Variants in DLGAP4 observed in about 807,000 individuals in gnomAD.
DLGAP4 encodes DLG associated protein 4.
Under a neutral mutation model 86.9 loss-of-function variants are expected in DLGAP4, and 18 were observed. That is an observed-to-expected ratio of 0.21 (90% CI 0.14 to 0.31). The LOEUF (loss-of-function observed/expected upper bound fraction) is 0.31. DLGAP4 is among the 10% of genes least tolerant of loss of function. DLGAP4 has a pLI of 1.00. For synonymous variants in DLGAP4, 548 were observed against 574.3 expected, an observed-to-expected ratio of 0.95 and a Z score of 0.65; for missense variants, 1,085 against 1,362.6, an observed-to-expected ratio of 0.80 and a Z score of 3.21.
Position 36,432,624 on chromosome 20 carries a change from C to G in DLGAP4, c.907C>G (p.His303Asp). 1 of 1,612,554 alleles carries G rather than the reference C, an allele frequency of 6.2e-7. No homozygotes were observed. The highest frequency in any genetic ancestry group is 8.5e-7 in the Non-Finnish European group (1 of 1,179,480). ...SWSTLTLSHAHEVCQKTSATL... is the reference protein window; with the variant it reads ...SWSTLTLSHADEVCQKTSATL... ...GTCCACTCTGACCCTCAGCCACGCCCACGAGGTCTGCCAGAAGACCTCAGC... is the reference window on the plus strand; with the variant it reads ...GTCCACTCTGACCCTCAGCCACGCCGACGAGGTCTGCCAGAAGACCTCAGC... Residue 303 changes from histidine to aspartate, a missense_variant, in exon 3 of 13, where the codon CAC becomes GAC. This residue lies in a region of DLGAP4 where 1,082 missense variants were observed against 1,344.1 expected (regional missense o/e 0.81). Coordinates refer to ENST00000339266, the MANE Select transcript of DLGAP4 (RefSeq NM_001365621.2). This position sits in a 1 kb window ranked among gnomAD's most constrained non-coding sequence, Gnocchi z 6.5.
At chr20:36,383,066 C>T (rs1481901953) in intron 2 of DLGAP4, among the ~76,000 whole-genome samples, 2 of 152,192 alleles carry the variant, frequency 1.3e-5, no homozygotes, top group Non-Finnish European at 2.9e-5. Context: ...AGGAGGTGGC[C>T]TTCTTCCCAT....
chr20:36,362,818 G>A (rs1413092411), intron 1 of DLGAP4, among the ~76,000 whole-genome samples: 3 of 152,198 alleles, frequency 2.0e-5, no homozygotes, highest in African/African-American at 7.2e-5. Flanking sequence ...CAGGCTCAGG[G>A]AATGTGCTGT....
intron 2 of DLGAP4, among the ~76,000 whole-genome samples, chr20:36,390,380 A>G (rs1305375781): frequency 6.6e-6 from 1 of 152,192 alleles, no homozygotes; most frequent in East Asian, 1.9e-4. Flanking sequence ...GGAACCTAGC[A>G]GGCCTCAAAC....
chr20:36,526,278 G>A (rs1032224937), intron 12 of DLGAP4: 4 of 606,108 alleles, frequency 6.6e-6, no homozygotes, highest in South Asian at 4.0e-5. Flanking sequence ...CCTCAATCAC[G>A]TTATAACAGA....
intron 1 of DLGAP4, among the ~76,000 whole-genome samples, chr20:36,315,386 G>A (rs1002889907): frequency 1 from 151,978 of 151,978 alleles, 75,989 homozygotes; most frequent in Non-Finnish European, 1. Context: ...ATGGGTCACG[G>A]GCCTGGAGAG....
intron 12 of DLGAP4, 98 bp from the exon 13 acceptor site, chr20:36,526,715 G>A: frequency 1.8e-6 from 2 of 1,139,186 alleles, no homozygotes; most frequent in Non-Finnish European, 2.5e-6. Flanking sequence ...GGGAGGCTGG[G>A]GTGGAGACTC....
chr20:36,519,478 C>CAG (rs1192556514), intron 10 of DLGAP4, among the ~76,000 whole-genome samples: 5 of 152,164 alleles, frequency 3.3e-5, no homozygotes, highest in African/African-American at 1.2e-4. Flanking sequence ...TCTTTTTAGT[C>CAG]AGAGTCTATT....
intron 5 of DLGAP4, among the ~76,000 whole-genome samples, chr20:36,440,707 T>C (rs541730566): frequency 1.6e-4 from 24 of 151,394 alleles, no homozygotes; most frequent in Middle Eastern, 3.4e-3. Context: ...ACTCGGCACT[T>C]TAGGGTTTGC....
intron 10 of DLGAP4, among the ~76,000 whole-genome samples, chr20:36,506,395 T>C (rs1037980299): frequency 6.6e-6 from 1 of 152,246 alleles, no homozygotes; most frequent in African/African-American, 2.4e-5. Flanking sequence ...ATGATGTTTC[T>C]GGATAACCAC....
At chr20:36,461,993 G>T in intron 7 of DLGAP4, 1 of 984,958 alleles carries the variant, frequency 1.0e-6, no homozygotes, top group Non-Finnish European at 1.2e-6. Flanking sequence ...AGCGCCCCCA[G>T]ATCTTTTGGG....
chr20:36,394,380 C>G (rs947648708), intron 2 of DLGAP4, among the ~76,000 whole-genome samples: 2 of 152,172 alleles, frequency 1.3e-5, no homozygotes, highest in African/African-American at 4.8e-5. Flanking sequence ...TGCGACTCTG[C>G]CCTGTGGGGG....
rs1161471258 is a variant in DLGAP4, at chr20:36,453,303, T to G, written c.1648+6366T>G. On this transcript the variant is annotated intron_variant, in intron 7 of 12. Transcript: ENST00000339266. ...AGACTCCATCTCTACAAAAAATTTT[T>G]TTTTAGTTAGCCACTGCACTTCAGC... 3.9e-5 allele frequency among the ~76,000 whole-genome samples: 6 copies of G among 152,138 alleles called. No homozygotes were observed. The East Asian group carries it at 1.2e-3, about 29-fold the overall frequency.
chr20:36,318,104 T>TCACACACACA (rs1341409069), intron 1 of DLGAP4, among the ~76,000 whole-genome samples: 1 of 106,494 alleles, frequency 9.4e-6, no homozygotes, highest in African/African-American at 4.0e-5. Flanking sequence ...AAATGTGTCC[T>TCACACACACA]CTCACACACA....
chr20:36,448,906 C>T (rs986403259), intron 7 of DLGAP4, among the ~76,000 whole-genome samples: 5 of 152,026 alleles, frequency 3.3e-5, no homozygotes, highest in Admixed American at 3.3e-4. Context: ...TGCGCTCCAG[C>T]CTGGGTGACA....
At chr20:36,414,370 G>A (rs866211914) in intron 2 of DLGAP4, among the ~76,000 whole-genome samples, 6 of 152,308 alleles carry the variant, frequency 3.9e-5, no homozygotes, top group Non-Finnish European at 8.8e-5. Context: ...ATCGGTGCCC[G>A]CCCTGCAGCT....
intron 2 of DLGAP4, among the ~76,000 whole-genome samples, chr20:36,420,748 C>T (rs973552571): frequency 3.3e-5 from 5 of 150,710 alleles, no homozygotes; most frequent in African/African-American, 7.3e-5. Context: ...CCGAGGCGGG[C>T]GGATCACCTG....
At position 36,525,216 on chromosome 20, in the gene DLGAP4, C is replaced by CAAAAAAAAAAAAAAAAAAAA. The variant is rs1159616185; in HGVS notation, c.2605-616_2605-597dup. On this transcript the variant is annotated intron_variant, in intron 11 of 12. Coordinates refer to ENST00000339266, the MANE Select transcript of DLGAP4 (RefSeq NM_001365621.2). ...TGGGTGACAGAGCGAGACTCCGTCT[C>CAAAAAAAAAAAAAAAAAAAA]AAAAAAAAAAAAAAAAAAAAAAAAA... Among the ~76,000 whole-genome samples, 15 of 28,500 alleles carry CAAAAAAAAAAAAAAAAAAAA rather than the reference C, an allele frequency of 5.3e-4. 2 individuals carry two copies. Among genetic ancestry groups the CAAAAAAAAAAAAAAAAAAAA allele is most frequent in the African/African-American group, 8.2e-4 (8 of 9,748 alleles). The allele number at this position is 28,500 out of a possible 152,430, so 18.7% of individuals were successfully genotyped here. A position where few individuals can be genotyped will look rare whatever the true frequency, so the allele number is the denominator to read the frequency against.
rs139293905 is a variant in DLGAP4, at chr20:36,500,458, T to A, written c.2359T>A (p.Ser787Thr). 1.6e-4 allele frequency: 250 copies of A among 1,584,392 alleles called. No homozygotes were observed. Among genetic ancestry groups the A allele is most frequent in the Non-Finnish European group, 2.1e-4 (239 of 1,163,970 alleles). The part of the protein sequence containing the change: ...LPPPDPWLET[S>T]SSSPAEPAQP... ...CCCACCCGACCCCTGGCTCGAGACC[T>A]CCTCCAGCTCCCCAGCAGAGCCGGC... The change falls in exon 10 of 13, where the codon TCC (serine) becomes ACC (threonine). Residue 787 changes from serine (S) to threonine (T), a missense_variant. Coordinates refer to ENST00000339266, the MANE Select transcript of DLGAP4 (RefSeq NM_001365621.2). The surrounding 1 kb of genome is among the most constrained non-coding windows in gnomAD (Gnocchi z 4.6).
intron 1 of DLGAP4, among the ~76,000 whole-genome samples, chr20:36,320,013 TC>T (rs2065150209): frequency 9.4e-6 from 1 of 106,386 alleles, no homozygotes; most frequent in Non-Finnish European, 2.0e-5. Context: ...CCTCCAGGCC[TC>T]CCTCTGTGTC....
Sources: allele counts gnomAD v4.1 joint callset (sites outside exome capture counted in the v4.1 genomes callset), GRCh38; gene constraint gnomAD v4.1.1; regional missense constraint gnomAD v4.1.1; non-coding constraint Gnocchi (gnomAD v3.1); transcripts MANE v1.5; gene names NCBI Gene and HGNC (gene_info 2026-07-23, HGNC 2026-07-21).